QDPR: variants seen among roughly 807,000 people sequenced by gnomAD.
The protein encoded by QDPR is dihydropteridine reductase.
QDPR carries 23 observed loss-of-function variants against 31.7 expected under a neutral mutation model. The ratio of observed to expected loss-of-function variants is 0.73; its 90% CI spans 0.52 to 1.03. The LOEUF (loss-of-function observed/expected upper bound fraction) is 1.03. QDPR is among the 50% of genes least tolerant of loss of function. The probability of loss-of-function intolerance (pLI) is 0.00; values close to 1 mark genes in which losing one functional copy is unlikely to be tolerated. For synonymous variants in QDPR, 124 were observed against 124.7 expected (o/e 0.99, Z 0.03); for missense variants, 324 against 323.8 (o/e 1.00, Z 0.00).
chr4:17,503,041 C>CACCACAAGA (rs1260591136), intron 3 of QDPR, among the ~76,000 whole-genome samples: 35 of 152,186 alleles, frequency 2.3e-4, no homozygotes, highest in Admixed American at 2.2e-3. Flanking sequence ...GAAGAATTCG[C>CACCACAAGA]ACCACAAGAA....
At chr4:17,511,868 C>G in intron 1 of QDPR, 82 bp downstream of exon 1, 1 of 1,432,260 alleles carries the variant, frequency 7.0e-7, no homozygotes. Context: ...CCACCTTCCT[C>G]TAGACTGCCC....
In QDPR at chr4:17,492,251, C is replaced by G. The variant is rs753946672; in HGVS notation, c.526G>C (p.Ala176Pro). 6.2e-7 allele frequency: 1 copy of G among 1,613,948 alleles called. No homozygotes were observed. Among genetic ancestry groups the G allele is most frequent in the South Asian group, 1.1e-5 (1 of 91,066 alleles). Residue 176 changes from alanine (A) to proline (P), a missense_variant, in exon 5 of 7, where the codon GCC becomes CCC. Coordinates refer to ENST00000281243, the MANE Select transcript of QDPR (RefSeq NM_000320.3). ...GKNSGMPPGA[A>P]AIAVLPVTLD... Reference sequence around the variant, plus strand: ...ACTTACGGGAGCACAGCGATGGCGGCTGCCCCGGGCGGCATGCCGCTGTTC... The same window carrying G: ...ACTTACGGGAGCACAGCGATGGCGGGTGCCCCGGGCGGCATGCCGCTGTTC...
chr4:17,490,809 C>G, intron 5 of QDPR, 64 bp from the exon 6 acceptor site: 1 of 1,378,040 alleles, frequency 7.3e-7, no homozygotes, highest in Non-Finnish European at 1.0e-6. Flanking sequence ...GTGCCCAGTC[C>G]CCCTTGGCCA....
In QDPR at chr4:17,492,430, T is replaced by C. The variant is rs1718201151; in HGVS notation, c.437-90A>G. 3.0e-5 allele frequency: 31 copies of C among 1,037,278 alleles called. No homozygotes were observed. In the South Asian group the frequency reaches 3.9e-4, roughly 13 times the overall value. The allele number at this position is 1,037,278 out of a possible 1,614,324, so 64.3% of individuals were successfully genotyped here. ...ATCTTCTCTTGAGATCTCTATTCCC[T>C]AAAAACTTTATAAATAGCTGCATCT... On this transcript the variant is annotated intron_variant, in intron 4 of 6. Coordinates refer to ENST00000281243, the MANE Select transcript of QDPR (RefSeq NM_000320.3).
At chr4:17,501,653 G>A in intron 4 of QDPR, 66 bp downstream of exon 4, 1 of 1,587,714 alleles carries the variant, frequency 6.3e-7, no homozygotes, top group Non-Finnish European at 8.6e-7. Flanking sequence ...TCCCATGAAA[G>A]TGCCCAGCAG....
At chr4:17,510,023 G>A (rs992339994) in intron 1 of QDPR, 4 of 454,198 alleles carry the variant, frequency 8.8e-6, no homozygotes, top group African/African-American at 6.0e-5. Context: ...AAAAATAAGT[G>A]CAGCTGTGTT....
intron 4 of QDPR, among the ~76,000 whole-genome samples, chr4:17,497,356 T>C (rs948639624): frequency 2.0e-5 from 3 of 152,102 alleles, no homozygotes; most frequent in Non-Finnish European, 4.4e-5. Context: ...AGCAAGTCCT[T>C]TTCCAAGACC....
intron 4 of QDPR, among the ~76,000 whole-genome samples, chr4:17,496,515 T>G (rs1303586177): frequency 1.3e-5 from 2 of 149,810 alleles, no homozygotes; most frequent in Non-Finnish European, 1.5e-5. Context: ...TGGTAGGTGA[T>G]TCTCAGTAAC....
chr4:17,502,070 A>T (rs1718585047), intron 3 of QDPR, among the ~76,000 whole-genome samples: 1 of 152,204 alleles, frequency 6.6e-6, no homozygotes, highest in African/African-American at 2.4e-5. Flanking sequence ...CAGCTTCCTT[A>T]CCTATACACT....
intron 4 of QDPR, among the ~76,000 whole-genome samples, 175 bp downstream of exon 4, chr4:17,501,544 G>T (rs1488734456): frequency 6.6e-6 from 1 of 152,024 alleles, no homozygotes; most frequent in African/African-American, 2.4e-5. Context: ...GCAAACAAAA[G>T]ATCAGAACTC....
chr4:17,505,632 A>C (rs1718761088), intron 2 of QDPR, among the ~76,000 whole-genome samples: 1 of 152,204 alleles, frequency 6.6e-6, no homozygotes, highest in Non-Finnish European at 1.5e-5. Flanking sequence ...CAGAAGGATC[A>C]CTTGAGCCCA....
intron 3 of QDPR, 109 bp from the exon 4 acceptor site, chr4:17,501,968 T>A: frequency 7.2e-7 from 1 of 1,383,618 alleles, no homozygotes; most frequent in South Asian, 1.2e-5. Flanking sequence ...GGTCCCCAGG[T>A]CCCTATCTAC....
At chr4:17,491,134 C>T (rs1413763741) in intron 5 of QDPR, among the ~76,000 whole-genome samples, 1 of 152,146 alleles carries the variant, frequency 6.6e-6, no homozygotes, top group Non-Finnish European at 1.5e-5. Flanking sequence ...TAGTTATATG[C>T]CTTTAAATAT....
chr4:17,490,254 G>A, intron 6 of QDPR: 1 of 297,508 alleles, frequency 3.4e-6, no homozygotes, highest in Non-Finnish European at 6.7e-6. Flanking sequence ...ACAGCAGTAA[G>A]GACACAAACT....
At chr4:17,504,297 C>T (rs1718675510) in intron 3 of QDPR, 82 bp downstream of exon 3, 3 of 1,212,712 alleles carry the variant, frequency 2.5e-6, no homozygotes, top group Admixed American at 3.5e-5. Context: ...AACAGCTGGC[C>T]TGTCACCTAG....
Position 17,487,180 on chromosome 4 carries a change from T to TG in QDPR, c.685dup (p.Gln229ProfsTer54). 6.2e-7 allele frequency: 1 copy of TG among 1,614,234 alleles called. No homozygotes were observed. The highest frequency in any genetic ancestry group is 8.5e-7 in the Non-Finnish European group (1 of 1,180,044). On this transcript the variant is annotated frameshift_variant, in exon 7 of 7. Transcript: ENST00000281243. LOFTEE classifies it high-confidence loss of function. Reference sequence around the variant, plus strand: ...CGTCCTTCCTTCTGTGGTTACCACCTGGATTAGGCTTCCTGAGCTCGGTCG... The same window carrying TG: ...CGTCCTTCCTTCTGTGGTTACCACCTGGGATTAGGCTTCCTGAGCTCGGTCG...
At chr4:17,498,452 G>C (rs991966905) in intron 4 of QDPR, among the ~76,000 whole-genome samples, 2 of 152,138 alleles carry the variant, frequency 1.3e-5, no homozygotes. Context: ...AAATCCCAGA[G>C]CTCTCTCTTG....
chr4:17,492,475 G>A (rs1718203356), intron 4 of QDPR, 135 bp from the exon 5 acceptor site: 1 of 741,596 alleles, frequency 1.3e-6, no homozygotes, highest in Non-Finnish European at 2.3e-6. Context: ...CTTCAGGTCA[G>A]ACGCCCTCAC....
intron 5 of QDPR, among the ~76,000 whole-genome samples, chr4:17,491,820 G>C (rs890692317): frequency 4.6e-5 from 7 of 152,116 alleles, no homozygotes; most frequent in African/African-American, 1.7e-4. Context: ...TTAAGAGGTG[G>C]GGTCTGCAGG....
Sources: allele counts gnomAD v4.1 joint callset (sites outside exome capture counted in the v4.1 genomes callset), GRCh38; gene constraint gnomAD v4.1.1; transcripts MANE v1.5; gene names NCBI Gene and HGNC (gene_info 2026-07-23, HGNC 2026-07-21).